SHTN1: variants seen among roughly 807,000 people sequenced by gnomAD.
SHTN1 encodes the protein shootin-1.
In SHTN1, 42 loss-of-function variants were observed where a neutral mutation model predicts 83.1. The observed-to-expected ratio is 0.51, with a 90% confidence interval of 0.39 to 0.65. The LOEUF (loss-of-function observed/expected upper bound fraction) is 0.65. Ranked by LOEUF, SHTN1 falls within the 30% of genes least tolerant of loss-of-function variation. The pLI, the probability that SHTN1 is intolerant of heterozygous loss-of-function variation, is 0.00. For missense variants in SHTN1, 622 were observed against 737.8 expected (o/e 0.84, Z 1.82); for synonymous variants, 224 against 247.7 (o/e 0.90, Z 0.90).
intron 2 of SHTN1, among the ~76,000 whole-genome samples, chr10:117,046,302 G>A (rs1171684215): frequency 1.3e-5 from 2 of 152,092 alleles, no homozygotes; most frequent in Non-Finnish European, 1.5e-5. Context: ...TGAGTCATTA[G>A]GTAAATGCAA....
intron 3 of SHTN1, among the ~76,000 whole-genome samples, chr10:116,968,412 ATAGT>A (rs1850477449): frequency 6.6e-6 from 1 of 152,242 alleles, no homozygotes; most frequent in Admixed American, 6.5e-5. Context: ...ACTTTTCTGT[ATAGT>A]TAAACTGTTT....
At chr10:117,015,695 A>C (rs901121826) in intron 2 of SHTN1, among the ~76,000 whole-genome samples, 1 of 152,214 alleles carries the variant, frequency 6.6e-6, no homozygotes, top group Non-Finnish European at 1.5e-5. Context: ...CTTCTGCAAG[A>C]TGTGGCAATT....
At chr10:116,945,739 A>G (rs1020905802) in intron 7 of SHTN1, among the ~76,000 whole-genome samples, 1 of 152,216 alleles carries the variant, frequency 6.6e-6, no homozygotes, top group Non-Finnish European at 1.5e-5. Context: ...TGTGTCTTAA[A>G]GCAACTCTTG....
At chr10:116,899,777 A>G (rs1847666217) in intron 16 of SHTN1, among the ~76,000 whole-genome samples, 1 of 152,214 alleles carries the variant, frequency 6.6e-6, no homozygotes, top group Admixed American at 6.5e-5. Context: ...ACCCGACTTC[A>G]AAGTGCTTTG....
At chr10:117,104,070 G>A (rs746463719) in intron 1 of SHTN1, among the ~76,000 whole-genome samples, 1 of 152,120 alleles carries the variant, frequency 6.6e-6, no homozygotes, top group Non-Finnish European at 1.5e-5. Flanking sequence ...GGCTCAGTAT[G>A]GCTAGTCAGA....
At chr10:116,893,301 T>G (rs1422946074) in intron 16 of SHTN1, among the ~76,000 whole-genome samples, 6 of 152,142 alleles carry the variant, frequency 3.9e-5, no homozygotes, top group African/African-American at 1.4e-4. Flanking sequence ...AATTTTGTTG[T>G]TAAAACTTAA....
chr10:117,076,862 T>C (rs889018205), intron 1 of SHTN1, among the ~76,000 whole-genome samples: 1 of 152,222 alleles, frequency 6.6e-6, no homozygotes, highest in Non-Finnish European at 1.5e-5. Flanking sequence ...TACAAGTTTC[T>C]GGAGAAAAGG....
chr10:116,984,035 G>GT lies in SHTN1; in HGVS notation c.59-4728dup, dbSNP rs1171792040. 1.2e-4 allele frequency among the ~76,000 whole-genome samples: 18 copies of GT among 152,094 alleles called. 1 individual carries two copies. Among genetic ancestry groups the GT allele is most frequent in the Admixed American group, 9.8e-4 (15 of 15,264 alleles). On this transcript the variant is annotated intron_variant, in intron 1 of 16. Transcript: ENST00000355371. ...TTCAGAAATGTGACAACTAAAGTTC[G>GT]TAACTACAAGCCAGTAACACCTCTA... is the stretch of plus-strand genomic sequence containing the variant.
chr10:117,012,069 G>A (rs1441200757), intron 2 of SHTN1, among the ~76,000 whole-genome samples: 1 of 151,190 alleles, frequency 6.6e-6, no homozygotes, highest in African/African-American at 2.4e-5. Flanking sequence ...AACCCGGGAG[G>A]TGGAGCTTGC....
intron 7 of SHTN1, among the ~76,000 whole-genome samples, chr10:116,947,714 A>C (rs1849642408): frequency 6.6e-6 from 1 of 152,206 alleles, no homozygotes; most frequent in Admixed American, 6.5e-5. Flanking sequence ...AATCTGAAAG[A>C]AATCAGGTTG....
chr10:116,914,366 G>A (rs370489049), intron 13 of SHTN1, among the ~76,000 whole-genome samples: 34 of 152,202 alleles, frequency 2.2e-4, no homozygotes, highest in Middle Eastern at 3.4e-3. Flanking sequence ...CAGCTACTTG[G>A]GAGGCTGAGG....
chr10:116,930,378 C>A (rs1465617572), intron 9 of SHTN1, among the ~76,000 whole-genome samples: 2 of 152,112 alleles, frequency 1.3e-5, no homozygotes, highest in African/African-American at 4.8e-5. Context: ...TCGATCCTCT[C>A]TCTCCTCCCA....
chr10:116,944,990 C>G lies in SHTN1; in HGVS notation c.645G>C (p.Glu215Asp). 2 of 1,610,070 alleles carry G rather than the reference C, an allele frequency of 1.2e-6. No individual in the cohort carries two copies. The highest frequency in any genetic ancestry group is 1.7e-6 in the Non-Finnish European group (2 of 1,176,472). ...CCAGCTCCAGGTTTACTTGCATCTC[C>G]TCATACTCTTCTACAGCTAACATGG... is the stretch of plus-strand genomic sequence containing the variant. ...RVSMLAVEEYEEMQVNLELEK... is the reference protein window; with the variant it reads ...RVSMLAVEEYDEMQVNLELEK... Residue 215 changes from glutamate to aspartate, a missense_variant, in exon 8 of 17, where the codon GAG (glutamate) becomes GAC (aspartate). Around this residue, in one of 3 missense-constraint regions of SHTN1, gnomAD observed 383 missense variants for 455.8 expected, o/e 0.84. Coordinates refer to ENST00000355371, the MANE Select transcript of SHTN1 (RefSeq NM_001127211.3).
chr10:116,946,008 T>C (rs1308986928), intron 7 of SHTN1, among the ~76,000 whole-genome samples: 4 of 151,962 alleles, frequency 2.6e-5, no homozygotes, highest in African/African-American at 9.7e-5. Flanking sequence ...TTCAAAAATA[T>C]GCAAAATTAA....
At chr10:117,056,008 A>C (rs1852821620) in intron 1 of SHTN1, among the ~76,000 whole-genome samples, 1 of 152,238 alleles carries the variant, frequency 6.6e-6, no homozygotes, top group Non-Finnish European at 1.5e-5. Flanking sequence ...ACCACAAGTT[A>C]CCAAAACTTA....
chr10:116,953,618 G>GGT (rs1849855707), intron 5 of SHTN1, among the ~76,000 whole-genome samples: 1 of 82,002 alleles, frequency 1.2e-5, no homozygotes, highest in Non-Finnish European at 2.9e-5. Context: ...TCAGTTTTGT[G>GGT]TTTTGTTTTT....
chr10:116,971,862 A>C (rs1287196280), intron 2 of SHTN1, among the ~76,000 whole-genome samples: 1 of 152,192 alleles, frequency 6.6e-6, no homozygotes, highest in Non-Finnish European at 1.5e-5. Flanking sequence ...AGCTCTACCT[A>C]AAGGAATTAG....
At chr10:117,021,880 G>A (rs537824954) in intron 2 of SHTN1, among the ~76,000 whole-genome samples, 8 of 152,264 alleles carry the variant, frequency 5.3e-5, no homozygotes, top group East Asian at 3.9e-4. Flanking sequence ...CTAGGGAATA[G>A]GACCCGGTTA....
chr10:117,087,698 T>C (rs1853370347), intron 1 of SHTN1, among the ~76,000 whole-genome samples: 2 of 152,198 alleles, frequency 1.3e-5, no homozygotes, highest in African/African-American at 2.4e-5. Flanking sequence ...ATTAATACAA[T>C]TGATTACATT....
Sources: allele counts gnomAD v4.1 joint callset (sites outside exome capture counted in the v4.1 genomes callset), GRCh38; gene constraint gnomAD v4.1.1; regional missense constraint gnomAD v4.1.1; transcripts MANE v1.5; gene names NCBI Gene and HGNC (gene_info 2026-07-23, HGNC 2026-07-21).